Variants in PCDH9 observed in about 807,000 individuals in gnomAD.
PCDH9 encodes protocadherin 9.
PCDH9 carries 24 observed loss-of-function variants against 70.6 expected under a neutral mutation model. That is an observed-to-expected ratio of 0.34 (90% confidence interval 0.25 to 0.48). The LOEUF (loss-of-function observed/expected upper bound fraction) is 0.48. Among genes scored for constraint, PCDH9 ranks in the 20% least tolerant of loss-of-function variants. The pLI is 0.99. For synonymous variants in PCDH9, 562 were observed against 558.5 expected, an observed-to-expected ratio of 1.01 and a Z score of -0.09; for missense variants, 1,281 against 1,503.6, an observed-to-expected ratio of 0.85 and a Z score of 2.45.
intron 4 of PCDH9, among the ~76,000 whole-genome samples, chr13:66,582,314 C>G (rs757222251): frequency 6.6e-6 from 1 of 151,978 alleles, no homozygotes; most frequent in Non-Finnish European, 1.5e-5. Flanking sequence ...TGATATTTCA[C>G]TCATCTCAAA....
intron 2 of PCDH9, among the ~76,000 whole-genome samples, chr13:67,120,958 A>T (rs1203788981): frequency 2.0e-5 from 3 of 152,166 alleles, no homozygotes; most frequent in East Asian, 3.9e-4. Context: ...ACATTATTCT[A>T]TTGAGAAGAA....
chr13:67,035,604 T>C (rs2041201022), intron 2 of PCDH9, among the ~76,000 whole-genome samples: 1 of 149,628 alleles, frequency 6.7e-6, no homozygotes, highest in Admixed American at 6.7e-5. Flanking sequence ...TAATTAAAAT[T>C]ATATTATATA....
chr13:66,591,666 A>C (rs1457409043), intron 4 of PCDH9, among the ~76,000 whole-genome samples: 1 of 151,650 alleles, frequency 6.6e-6, no homozygotes, highest in Non-Finnish European at 1.5e-5. Flanking sequence ...AACATATTTT[A>C]ATTTGTAATT....
chr13:66,560,778 C>T lies in PCDH9; in HGVS notation c.3340+70432G>A, dbSNP rs567036607. Among the ~76,000 whole-genome samples the T allele has an allele frequency of 3.3e-5, 5 of 152,370 alleles. No homozygotes were observed. In the South Asian group the frequency reaches 1.0e-3, roughly 32 times the overall value. ...CCTCTTTGATTTCAGGCCTCCTTAT[C>T]TAACTTCTGCTCAGTCACCTCTGCA... On this transcript the variant is annotated intron_variant, in intron 4 of 4. Coordinates refer to ENST00000377865, the MANE Select transcript of PCDH9 (RefSeq NM_203487.3).
intron 3 of PCDH9, among the ~76,000 whole-genome samples, chr13:66,739,621 G>A (rs1566161327): frequency 6.6e-6 from 1 of 151,040 alleles, no homozygotes; most frequent in Non-Finnish European, 1.5e-5. Context: ...GACACACATA[G>A]GCTCAAAATA....
chr13:67,201,206 T>TA (rs1446661108), intron 2 of PCDH9: 77 of 152,140 alleles, frequency 5.1e-4, no homozygotes, highest in African/African-American at 1.9e-3. Context: ...TCAAATACAT[T>TA]AGGTATATAT....
chr13:67,000,459 T>G (rs776171607), intron 2 of PCDH9, among the ~76,000 whole-genome samples: 2 of 149,866 alleles, frequency 1.3e-5, no homozygotes, highest in South Asian at 4.3e-4. Flanking sequence ...TGTGCACATG[T>G]ACCCTAAAAC....
chr13:66,612,965 A>G (rs2077311011), intron 4 of PCDH9, among the ~76,000 whole-genome samples: 1 of 152,140 alleles, frequency 6.6e-6, no homozygotes, highest in South Asian at 2.1e-4. Flanking sequence ...CATTTTTGGC[A>G]TGCAAAGTGG....
chr13:67,007,251 T>C (rs781570975), intron 2 of PCDH9, among the ~76,000 whole-genome samples: 1 of 152,024 alleles, frequency 6.6e-6, no homozygotes, highest in Admixed American at 6.6e-5. Flanking sequence ...TTGAATATTG[T>C]ACAGCCACCA....
intron 4 of PCDH9, among the ~76,000 whole-genome samples, chr13:66,616,484 C>CTTTTTTT (rs60587237): frequency 8.6e-5 from 10 of 116,678 alleles, no homozygotes; most frequent in Middle Eastern, 6.6e-3. Context: ...TTCTAAAATT[C>CTTTTTTT]TTTTTTTTTT....
intron 4 of PCDH9, among the ~76,000 whole-genome samples, chr13:66,472,886 T>C (rs1454258560): frequency 1.3e-5 from 2 of 152,148 alleles, no homozygotes; most frequent in African/African-American, 4.8e-5. Flanking sequence ...TTCAATGAAA[T>C]AATGAATTTT....
intron 2 of PCDH9, among the ~76,000 whole-genome samples, chr13:67,165,385 T>C (rs2088083458): frequency 6.6e-6 from 1 of 152,194 alleles, no homozygotes; most frequent in South Asian, 2.1e-4. Flanking sequence ...ATTTGATGGC[T>C]GCAGAATATA....
At chr13:66,532,464 A>AACTAAAT (rs1566396886) in intron 4 of PCDH9, among the ~76,000 whole-genome samples, 1 of 152,196 alleles carries the variant, frequency 6.6e-6, no homozygotes, top group Non-Finnish European at 1.5e-5. Flanking sequence ...GAGAAGCAAA[A>AACTAAAT]ACTAAATATT....
intron 3 of PCDH9, among the ~76,000 whole-genome samples, chr13:66,894,696 A>G (rs897928514): frequency 6.6e-6 from 1 of 152,196 alleles, no homozygotes; most frequent in Non-Finnish European, 1.5e-5. Flanking sequence ...TAAACTAATA[A>G]ATATCCATTG....
At chr13:66,815,988 A>C (rs2080598624) in intron 3 of PCDH9, among the ~76,000 whole-genome samples, 1 of 152,208 alleles carries the variant, frequency 6.6e-6, no homozygotes. Context: ...TTAAGAACAA[A>C]TATTACATTG....
intron 2 of PCDH9, among the ~76,000 whole-genome samples, chr13:66,926,015 A>T (rs879464446): frequency 6.6e-6 from 1 of 151,952 alleles, no homozygotes; most frequent in Non-Finnish European, 1.5e-5. Flanking sequence ...TAAATAGAAA[A>T]CTAGTTTCCT....
chr13:67,044,217 A>G (rs578153050), intron 2 of PCDH9, among the ~76,000 whole-genome samples: 1 of 152,308 alleles, frequency 6.6e-6, no homozygotes, highest in East Asian at 1.9e-4. Flanking sequence ...AAACTTCTTT[A>G]TCCTGAACCT....
At chr13:66,555,312 C>T (rs1329303438) in intron 4 of PCDH9, among the ~76,000 whole-genome samples, 5 of 150,802 alleles carry the variant, frequency 3.3e-5, no homozygotes, top group Admixed American at 2.0e-4. Context: ...TTTATAGATT[C>T]TCTAATATAA....
chr13:66,971,085 T>C (rs1594329174), intron 2 of PCDH9, among the ~76,000 whole-genome samples: 1 of 152,046 alleles, frequency 6.6e-6, no homozygotes, highest in Non-Finnish European at 1.5e-5. Flanking sequence ...TGAAGTCTAT[T>C]TGGACAAATT....
Sources: gnomAD v4.1 joint callset for allele counts (sites outside exome capture counted in the v4.1 genomes callset) on GRCh38, gnomAD v4.1.1 for gene constraint, MANE v1.5 for transcripts, NCBI Gene and HGNC (gene_info 2026-07-23, HGNC 2026-07-21) for gene names.